The following ZC3H7A variants were observed in gnomAD, a reference collection of about 807,000 sequenced individuals.
ZC3H7A encodes zinc finger CCCH-type containing 7A.
Under a neutral mutation model 125.5 loss-of-function variants are expected in ZC3H7A, and 44 were observed. The ratio of observed to expected loss-of-function variants is 0.35; its 90% confidence interval spans 0.28 to 0.45. The LOEUF is 0.45. Ranked by LOEUF, ZC3H7A falls within the 20% of genes least tolerant of loss-of-function variation. ZC3H7A has a pLI of 1.00. For synonymous variants in ZC3H7A, 399 were observed against 391.2 expected (o/e 1.02, Z -0.23); for missense variants, 977 against 1,170.7 (o/e 0.83, Z 2.41).
intron 20 of ZC3H7A, among the ~76,000 whole-genome samples, chr16:11,756,625 A>G (rs766969044): frequency 5.7e-4 from 86 of 152,194 alleles, no homozygotes; most frequent in Non-Finnish European, 4.4e-4. Context: ...CTGCATTTGC[A>G]CGACACTTTG....
intron 1 of ZC3H7A, among the ~76,000 whole-genome samples, chr16:11,788,063 A>C (rs9934113): frequency 0.55 from 84,035 of 152,022 alleles, 25,454 homozygotes; most frequent in East Asian, 0.81. Context: ...ATTTTTGGAT[A>C]CTGTTAAAAT....
At chr16:11,769,140 C>T (rs751828244) in intron 10 of ZC3H7A, 45 bp from the exon 11 acceptor site, 31 of 1,539,874 alleles carry the variant, frequency 2.0e-5, no homozygotes, top group South Asian at 1.9e-4. Flanking sequence ...ATTCTGATCA[C>T]GTAATAAGAA....
At chr16:11,760,100 G>A (rs2052720778) in intron 19 of ZC3H7A, among the ~76,000 whole-genome samples, 2 of 136,470 alleles carry the variant, frequency 1.5e-5, no homozygotes, top group South Asian at 4.7e-4. Flanking sequence ...ACTCCAGCCT[G>A]GGTGACAGAG....
chr16:11,756,399 C>G (rs2052650039), intron 20 of ZC3H7A, 29 bp from the exon 21 acceptor site: 1 of 1,605,500 alleles, frequency 6.2e-7, no homozygotes, highest in Admixed American at 1.7e-5. Context: ...CTTTCAGCAG[C>G]AGCAACTAAA....
At position 11,750,874 on chromosome 16, in the gene ZC3H7A, T is replaced by G. The variant is rs986726766; in HGVS notation, c.*443A>C. On this transcript the variant is annotated 3_prime_UTR_variant, in exon 23 of 23. Transcript: ENST00000355758. ...GTTAAGAAAATCCTTTTTAGCAACC[T>G]ACATACAGATAAGTAGCAAACTTTA... 1 of 153,414 alleles carries G rather than the reference T, an allele frequency of 6.5e-6. No individual in the cohort carries two copies. The highest frequency in any genetic ancestry group is 2.4e-5 in the African/African-American group (1 of 41,468). 9.5% of individuals were successfully genotyped at this position (153,414 alleles called of 1,614,324 possible).
Position 11,776,506 on chromosome 16 carries a change from T to A in ZC3H7A, c.492A>T (p.Gln164His), listed in dbSNP as rs1177618832. The part of the protein sequence containing the change: ...PQDEHVIKLT[Q>H]ELAQKLGFKI... ...TAAATCCCAATTTCTGAGCTAGTTC[T>A]TGAGTTAGTTTTATTACATGCTCAT... The change falls in exon 6 of 23, where the codon CAA (glutamine) becomes CAT (histidine). Residue 164 changes from glutamine (Q) to histidine (H), a missense_variant. Physicochemically the swap from Gln to His is conservative, Grantham distance 24. Transcript: ENST00000355758. 2.5e-6 allele frequency: 4 copies of A among 1,611,486 alleles called. No individual in the cohort carries two copies. Among genetic ancestry groups the A allele is most frequent in the Non-Finnish European group, 2.5e-6 (3 of 1,179,336 alleles).
chr16:11,790,487 G>A (rs1462999388), intron 1 of ZC3H7A, among the ~76,000 whole-genome samples: 2 of 152,126 alleles, frequency 1.3e-5, no homozygotes, highest in Admixed American at 6.5e-5. Context: ...CCAATTTGAT[G>A]TCAATCTTTT....
chr16:11,757,924 T>C (rs528808436), intron 20 of ZC3H7A, among the ~76,000 whole-genome samples: 1 of 152,296 alleles, frequency 6.6e-6, no homozygotes, highest in Non-Finnish European at 1.5e-5. Flanking sequence ...TGGTCAAAAG[T>C]GAAAGGCTGT....
intron 7 of ZC3H7A, among the ~76,000 whole-genome samples, 188 bp downstream of exon 7, chr16:11,776,128 TCCAG>T (rs2053075970): frequency 6.6e-6 from 1 of 151,976 alleles, no homozygotes; most frequent in Admixed American, 6.6e-5. Flanking sequence ...GACACTGCAC[TCCAG>T]CCTGGGCAAC....
At chr16:11,783,982 A>G (rs1163783474) in intron 1 of ZC3H7A, among the ~76,000 whole-genome samples, 2 of 133,526 alleles carry the variant, frequency 1.5e-5, no homozygotes, top group African/African-American at 2.7e-5. Flanking sequence ...ACAACAAAAA[A>G]GGGGGGGGCT....
At chr16:11,770,222 T>C (rs1393105257) in intron 10 of ZC3H7A, among the ~76,000 whole-genome samples, 1 of 152,148 alleles carries the variant, frequency 6.6e-6, no homozygotes, top group African/African-American at 2.4e-5. Flanking sequence ...AACAATGCCT[T>C]CAAAAAAATA....
rs113900711 is a variant in ZC3H7A, at chr16:11,785,575, G to GAA, written c.-34-3189_-34-3188dup. On this transcript the variant is annotated intron_variant, in intron 1 of 22. Transcript: ENST00000355758. ...AAGGAAATGCCTGAAGAAATTATAG[G>GAA]AAAAAAAAAAAAGATGAGGCATTTA... Among the ~76,000 whole-genome samples, 396 of 142,856 alleles carry GAA rather than the reference G, an allele frequency of 2.8e-3. 2 individuals are homozygous for GAA. The highest frequency in any genetic ancestry group is 7.2e-3 in the Middle Eastern group (2 of 276). 93.7% of individuals were successfully genotyped at this position (142,856 alleles called of 152,430 possible).
At chr16:11,769,138 C>A in intron 10 of ZC3H7A, 43 bp from the exon 11 acceptor site, 1 of 1,546,736 alleles carries the variant, frequency 6.5e-7, no homozygotes, top group South Asian at 1.2e-5. Flanking sequence ...TCATTCTGAT[C>A]ACGTAATAAG....
In ZC3H7A at chr16:11,756,591, T is replaced by C. The variant is rs541540888; in HGVS notation, c.2429-221A>G. On this transcript the variant is annotated intron_variant, in intron 20 of 22. Coordinates refer to ENST00000355758, the MANE Select transcript of ZC3H7A (RefSeq NM_014153.4). ...AGGACTGTTAGATGGCAAATATTAG[T>C]TCTCAGGATTAATTAACCCCTCCCT... Among the ~76,000 whole-genome samples the C allele has an allele frequency of 1.2e-3, 184 of 152,276 alleles. 1 individual carries two copies. The highest frequency in any genetic ancestry group is 4.3e-3 in the African/African-American group (178 of 41,542).
chr16:11,781,349 T>A (rs1412711396), intron 3 of ZC3H7A, 76 bp downstream of exon 3: 3 of 1,463,282 alleles, frequency 2.1e-6, no homozygotes, highest in Admixed American at 3.5e-5. Flanking sequence ...AGGCCATCAT[T>A]TGCCAACCCC....
At chr16:11,756,882 C>T (rs746925354) in intron 20 of ZC3H7A, among the ~76,000 whole-genome samples, 2 of 152,154 alleles carry the variant, frequency 1.3e-5, no homozygotes, top group Non-Finnish European at 2.9e-5. Flanking sequence ...TCCCAGAGGG[C>T]GGATATGCTG....
At chr16:11,776,219 A>G (rs1173383397) in intron 7 of ZC3H7A, 101 bp downstream of exon 7, 15 of 1,177,828 alleles carry the variant, frequency 1.3e-5, no homozygotes, top group African/African-American at 3.1e-5. Flanking sequence ...GGAATTAAAA[A>G]GGTTCCAAAA....
chr16:11,788,033 G>A (rs939909920), intron 1 of ZC3H7A, among the ~76,000 whole-genome samples: 13 of 151,624 alleles, frequency 8.6e-5, no homozygotes, highest in Non-Finnish European at 1.6e-4. Context: ...AGAAAAAGAC[G>A]TTTAAAAATA....
intron 10 of ZC3H7A, among the ~76,000 whole-genome samples, chr16:11,769,554 A>G (rs1362065090): frequency 1.3e-5 from 2 of 150,742 alleles, no homozygotes; most frequent in Non-Finnish European, 3.0e-5. Flanking sequence ...CTGAAAATAC[A>G]AAAAAAATTT....
Sources: allele counts gnomAD v4.1 joint callset (sites outside exome capture counted in the v4.1 genomes callset), GRCh38; gene constraint gnomAD v4.1.1; transcripts MANE v1.5; gene names NCBI Gene and HGNC (gene_info 2026-07-23, HGNC 2026-07-21).